PEX5L: variants seen among roughly 807,000 people sequenced by gnomAD.
The protein encoded by PEX5L is PEX5-related protein.
PEX5L carries 30 observed loss-of-function variants against 84.0 expected under a neutral mutation model. The observed-to-expected ratio is 0.36, with a 90% confidence interval of 0.27 to 0.48. The LOEUF (loss-of-function observed/expected upper bound fraction) is 0.48. Ranked by LOEUF, PEX5L falls within the 20% of genes least tolerant of loss-of-function variation. PEX5L has a pLI of 0.99. For missense variants in PEX5L, 533 were observed against 754.6 expected, an observed-to-expected ratio of 0.71 and a Z score of 3.44; for synonymous variants, 270 against 283.1, an observed-to-expected ratio of 0.95 and a Z score of 0.46.
intron 2 of PEX5L, among the ~76,000 whole-genome samples, chr3:179,958,649 T>A (rs113449314): frequency 2.0e-5 from 3 of 152,214 alleles, no homozygotes; most frequent in Admixed American, 6.5e-5. Flanking sequence ...CAATTTGTTT[T>A]ACAGGACTGA....
At chr3:179,817,304 G>A (rs1726527607) in intron 9 of PEX5L, among the ~76,000 whole-genome samples, 1 of 152,094 alleles carries the variant, frequency 6.6e-6, no homozygotes. Flanking sequence ...ATATTACATA[G>A]GCAGTCTTGT....
chr3:179,878,659 G>C (rs75733688), intron 5 of PEX5L, among the ~76,000 whole-genome samples: 4,689 of 152,174 alleles, frequency 0.031, 239 homozygotes, highest in African/African-American at 0.11. Flanking sequence ...CCTTTCTCCT[G>C]ATCTATCTTG....
At chr3:179,959,010 G>A (rs1329451428) in intron 2 of PEX5L, among the ~76,000 whole-genome samples, 2 of 151,046 alleles carry the variant, frequency 1.3e-5, no homozygotes, top group African/African-American at 4.9e-5. Context: ...CTGGACGACA[G>A]AGCGAGACTC....
chr3:179,914,639 G>A (rs910088741), intron 2 of PEX5L, among the ~76,000 whole-genome samples: 2 of 152,158 alleles, frequency 1.3e-5, no homozygotes, highest in Non-Finnish European at 2.9e-5. Flanking sequence ...GACTCTTTGA[G>A]GTTTCTTCCA....
intron 2 of PEX5L, among the ~76,000 whole-genome samples, chr3:179,957,974 T>C (rs1781005821): frequency 1.3e-5 from 2 of 152,154 alleles, no homozygotes; most frequent in Non-Finnish European, 2.9e-5. Context: ...TGCATGTTTA[T>C]GGCTATGTAG....
Position 179,875,582 on chromosome 3 carries a change from A to G in PEX5L, c.506-105T>C, listed in dbSNP as rs904537736. The G allele has an allele frequency of 5.3e-6, 4 of 757,826 alleles. No individual in the cohort carries two copies. The African/African-American group carries it at 7.0e-5, about 13-fold the overall frequency. The allele number at this position is 757,826 out of a possible 1,614,324, so 46.9% of individuals were successfully genotyped here. A position where few individuals can be genotyped will look rare whatever the true frequency, so the allele number is the denominator to read the frequency against. ...GGTGGAGCGTGTGGTGCAGAGGGAA[A>G]AAGATTAATTAAGATTGAAAAATCT... On this transcript the variant is annotated intron_variant, in intron 5 of 14. Transcript: ENST00000467460.
At chr3:179,851,528 G>A (rs1741882595) in intron 8 of PEX5L, among the ~76,000 whole-genome samples, 1 of 152,120 alleles carries the variant, frequency 6.6e-6, no homozygotes, top group Non-Finnish European at 1.5e-5. Flanking sequence ...TCTAGGACAA[G>A]GAATTACTAG....
At chr3:179,878,563 T>G (rs1382920785) in intron 5 of PEX5L, among the ~76,000 whole-genome samples, 4 of 152,254 alleles carry the variant, frequency 2.6e-5, no homozygotes, top group Non-Finnish European at 4.4e-5. Context: ...GTATATTTAC[T>G]TAAAAAGACA....
chr3:179,814,839 C>T (rs1021784139), intron 10 of PEX5L, among the ~76,000 whole-genome samples: 1 of 152,064 alleles, frequency 6.6e-6, no homozygotes, highest in Non-Finnish European at 1.5e-5. Context: ...CAAATTCTTG[C>T]CTATCTCTTC....
intron 2 of PEX5L, among the ~76,000 whole-genome samples, chr3:179,906,587 T>C (rs1032319370): frequency 1.3e-5 from 2 of 152,194 alleles, no homozygotes; most frequent in Non-Finnish European, 2.9e-5. Flanking sequence ...CCCAAATTTG[T>C]TATAGTTTGA....
chr3:179,848,136 T>C (rs996675448), intron 8 of PEX5L, among the ~76,000 whole-genome samples: 1 of 152,204 alleles, frequency 6.6e-6, no homozygotes, highest in Non-Finnish European at 1.5e-5. Flanking sequence ...AGTAACAGTA[T>C]TCAATGCTAC....
At chr3:180,023,470 G>A (rs938301627) in intron 1 of PEX5L, among the ~76,000 whole-genome samples, 13 of 152,128 alleles carry the variant, frequency 8.5e-5, no homozygotes, top group Admixed American at 3.3e-4. Flanking sequence ...CTTTGGCTTC[G>A]TAAGAAATAT....
rs201243600 is a variant in PEX5L at position 179,995,074 on chromosome 3, TAG to T, written c.22-23411_22-23410del. On this transcript the variant is annotated intron_variant, in intron 1 of 14. Coordinates refer to ENST00000467460, the MANE Select transcript of PEX5L (RefSeq NM_016559.3). ...TATATATGTAGTTATATATATAGCA[TAG>T]AGAGTATATATATAGTATATATATA... 8.8e-3 allele frequency among the ~76,000 whole-genome samples: 1,297 copies of T among 148,056 alleles called. 20 individuals carry two copies. The highest frequency in any genetic ancestry group is 0.03 in the African/African-American group (1,204 of 40,590).
At chr3:179,892,512 AT>A (rs1757932221) in intron 3 of PEX5L, among the ~76,000 whole-genome samples, 1 of 152,154 alleles carries the variant, frequency 6.6e-6, no homozygotes, top group South Asian at 2.1e-4. Context: ...AGTTTAATCA[AT>A]GTTGACTGAT....
At chr3:180,010,529 T>C (rs563597298) in intron 1 of PEX5L, among the ~76,000 whole-genome samples, 2 of 152,090 alleles carry the variant, frequency 1.3e-5, no homozygotes, top group Non-Finnish European at 2.9e-5. Flanking sequence ...ACCCTCTACA[T>C]AAATTACCAC....
At chr3:179,876,719 G>A (rs552352307) in intron 5 of PEX5L, among the ~76,000 whole-genome samples, 5 of 151,980 alleles carry the variant, frequency 3.3e-5, no homozygotes, top group African/African-American at 7.2e-5. Context: ...CATTAAACAC[G>A]AACTCCTCAT....
chr3:180,015,859 TATATAAC>T (rs1789896402), intron 1 of PEX5L, among the ~76,000 whole-genome samples: 1 of 140,912 alleles, frequency 7.1e-6, no homozygotes, highest in African/African-American at 2.8e-5. Flanking sequence ...AATATAATAA[TATATAAC>T]ATATAATATA....
intron 7 of PEX5L, among the ~76,000 whole-genome samples, chr3:179,859,449 C>T (rs965658801): frequency 1.3e-5 from 2 of 152,216 alleles, no homozygotes; most frequent in African/African-American, 4.8e-5. Context: ...GGTCTCGATT[C>T]CAGGCCTTGA....
intron 8 of PEX5L, among the ~76,000 whole-genome samples, chr3:179,843,713 T>C (rs1023223307): frequency 6.6e-6 from 1 of 152,264 alleles, no homozygotes; most frequent in Non-Finnish European, 1.5e-5. Context: ...TCTACTCTTT[T>C]TCCAAGGTTC....
Sources: allele counts gnomAD v4.1 joint callset (sites outside exome capture counted in the v4.1 genomes callset), GRCh38; gene constraint gnomAD v4.1.1; transcripts MANE v1.5; gene names NCBI Gene and HGNC (gene_info 2026-07-23, HGNC 2026-07-21).